MYRIP: variants seen among roughly 807,000 people sequenced by gnomAD.
MYRIP encodes myosin VIIA and Rab interacting protein.
MYRIP carries 49 observed loss-of-function variants against 98.0 expected under a neutral mutation model. That is an observed-to-expected ratio of 0.50 (90% CI 0.40 to 0.63). The LOEUF (loss-of-function observed/expected upper bound fraction) is 0.63, where lower values mean the gene tolerates loss of function less well. Among genes scored for constraint, MYRIP ranks in the 30% least tolerant of loss-of-function variants. The pLI, the probability that MYRIP is intolerant of heterozygous loss-of-function variation, is 0.00. For synonymous variants in MYRIP, 404 were observed against 409.5 expected (o/e 0.99, Z 0.16); for missense variants, 1,004 against 1,058.2 (o/e 0.95, Z 0.71).
At chr3:40,238,574 G>C (rs989288463) in intron 12 of MYRIP, 1 of 152,204 alleles carries the variant, frequency 6.6e-6, no homozygotes, top group African/African-American at 2.4e-5. Context: ...AAGAACATTT[G>C]GCTGAGAATG....
At chr3:40,020,184 C>A (rs1162377843) in intron 2 of MYRIP, among the ~76,000 whole-genome samples, 1 of 152,134 alleles carries the variant, frequency 6.6e-6, no homozygotes, top group Admixed American at 6.5e-5. Context: ...TTATTCCTGT[C>A]TTTATGCTCA....
chr3:39,876,920 A>C (rs1337708865), intron 1 of MYRIP, among the ~76,000 whole-genome samples: 2 of 152,166 alleles, frequency 1.3e-5, no homozygotes, highest in African/African-American at 4.8e-5. Context: ...TCTCCTGGAT[A>C]ATATCCTGCA....
intron 2 of MYRIP, among the ~76,000 whole-genome samples, chr3:39,974,145 G>A (rs1164620941): frequency 6.9e-6 from 1 of 145,340 alleles, no homozygotes; most frequent in Non-Finnish European, 1.6e-5. Context: ...AAAATTGATA[G>A]ACTGCTAGCA....
chr3:40,000,011 C>T (rs1946477419), intron 2 of MYRIP, among the ~76,000 whole-genome samples: 1 of 129,840 alleles, frequency 7.7e-6, no homozygotes. Flanking sequence ...GAACATCACA[C>T]ACCAGGGCCT....
chr3:40,258,194 C>T lies in MYRIP; in HGVS notation c.*28C>T, dbSNP rs937000994. ...CCATGGAATTCCACTGCCAGTGACC[C>T]ACTGCCTCCGGCCGTACACGACAGT... On this transcript the variant is annotated 3_prime_UTR_variant, in exon 17 of 17. Transcript: ENST00000302541. The T allele has an allele frequency of 1.9e-6, 3 of 1,614,024 alleles. No homozygotes were observed. Among genetic ancestry groups the T allele is most frequent in the Non-Finnish European group, 2.5e-6 (3 of 1,179,876 alleles).
chr3:39,852,542 C>CT (rs1397687477), intron 1 of MYRIP, among the ~76,000 whole-genome samples: 6 of 152,036 alleles, frequency 3.9e-5, no homozygotes, highest in Non-Finnish European at 8.8e-5. Flanking sequence ...CACCCCACTC[C>CT]CCCCTTCCCC....
At chr3:40,105,026 T>C (rs1244457999) in intron 3 of MYRIP, among the ~76,000 whole-genome samples, 1 of 152,176 alleles carries the variant, frequency 6.6e-6, no homozygotes, top group Non-Finnish European at 1.5e-5. Context: ...TTTTCCTCTA[T>C]GTAGGTGCAG....
intron 9 of MYRIP, among the ~76,000 whole-genome samples, chr3:40,183,344 T>C (rs1206699576): frequency 1.3e-5 from 2 of 152,192 alleles, no homozygotes; most frequent in African/African-American, 4.8e-5. Context: ...ACCTCTGCTC[T>C]TCCTGATTCC....
rs375241833 is a variant in MYRIP, at chr3:40,253,975, C to G, written c.2547+1976C>G. ...ATTCTGTTTTCAGTCCATATTCACT[C>G]TTCCTTAAATTTTTCATTAGCCATT... On this transcript the variant is annotated intron_variant, in intron 16 of 16. Transcript: ENST00000302541. Among the ~76,000 whole-genome samples the G allele has an allele frequency of 3.3e-5, 5 of 152,282 alleles. No individual in the cohort carries two copies. The East Asian group carries it at 9.6e-4, about 29-fold the overall frequency.
chr3:40,068,440 G>A (rs1034267011), intron 3 of MYRIP, among the ~76,000 whole-genome samples: 1 of 152,126 alleles, frequency 6.6e-6, no homozygotes, highest in Admixed American at 6.6e-5. Flanking sequence ...AGATGGTTGA[G>A]GATATAGTGT....
intron 3 of MYRIP, among the ~76,000 whole-genome samples, chr3:40,058,733 A>T (rs1038590875): frequency 6.6e-6 from 1 of 152,066 alleles, no homozygotes; most frequent in African/African-American, 2.4e-5. Context: ...CTTGGGTTGT[A>T]TTCACTAATG....
chr3:40,030,259 C>T (rs760505742), intron 2 of MYRIP, among the ~76,000 whole-genome samples: 7 of 152,078 alleles, frequency 4.6e-5, no homozygotes, highest in Non-Finnish European at 2.9e-5. Flanking sequence ...CCTCATCAGT[C>T]ATTAGGGAAG....
rs939400274 is a variant in MYRIP, at chr3:40,233,771, G to C, written c.1906-88G>C. ...GGAATTACAGAATCAACCTCATGAT[G>C]ATGAGTGTCATGATAACATAGAATT... is the stretch of plus-strand genomic sequence containing the variant. On this transcript the variant is annotated intron_variant, in intron 11 of 16. Coordinates refer to ENST00000302541, the MANE Select transcript of MYRIP (RefSeq NM_015460.4). The C allele has an allele frequency of 1.5e-5, 18 of 1,218,048 alleles. No homozygotes were observed. In the South Asian group the frequency reaches 1.8e-4, roughly 12 times the overall value. 75.5% of individuals were successfully genotyped at this position (1,218,048 alleles called of 1,614,324 possible).
intron 3 of MYRIP, among the ~76,000 whole-genome samples, chr3:40,105,756 A>G (rs1445372496): frequency 6.6e-6 from 1 of 152,156 alleles, no homozygotes; most frequent in Non-Finnish European, 1.5e-5. Context: ...CCTTCTTCAC[A>G]TGGCAGCAGA....
intron 2 of MYRIP, among the ~76,000 whole-genome samples, chr3:39,923,531 A>G (rs184571224): frequency 6.6e-6 from 1 of 152,298 alleles, no homozygotes; most frequent in East Asian, 1.9e-4. Flanking sequence ...CTAAAAGGGA[A>G]AAACTGTCAA....
At position 40,259,533 on chromosome 3, in the gene MYRIP, C is replaced by G. The variant is rs1216743737; in HGVS notation, c.*1367C>G. 2 of 152,216 alleles carry G rather than the reference C, an allele frequency of 1.3e-5. No homozygotes were observed. Among genetic ancestry groups the G allele is most frequent in the Non-Finnish European group, 2.9e-5 (2 of 68,040 alleles). 9.4% of individuals were successfully genotyped at this position (152,216 alleles called of 1,614,324 possible). A position where few individuals can be genotyped will look rare whatever the true frequency, so the allele number is the denominator to read the frequency against. ...ACTGAAGGCCAGAGAGATTAATTTG[C>G]CAAAGCCACACCTTTATGCTAATTA... On this transcript the variant is annotated 3_prime_UTR_variant, in exon 17 of 17. Transcript: ENST00000302541.
chr3:40,003,034 ATC>A (rs1946555342), intron 2 of MYRIP, among the ~76,000 whole-genome samples: 1 of 32,616 alleles, frequency 3.1e-5, no homozygotes, highest in Admixed American at 5.7e-4. Flanking sequence ...ATATCTATAT[ATC>A]TATAGATATA....
At chr3:40,031,727 G>C (rs1050350597) in intron 2 of MYRIP, among the ~76,000 whole-genome samples, 13 of 152,140 alleles carry the variant, frequency 8.5e-5, no homozygotes, top group Non-Finnish European at 1.6e-4. Flanking sequence ...GAGGGTGTAT[G>C]TGTCGAGGAA....
At chr3:39,851,239 C>T (rs1425795813) in intron 1 of MYRIP, among the ~76,000 whole-genome samples, 1 of 144,454 alleles carries the variant, frequency 6.9e-6, no homozygotes, top group Non-Finnish European at 1.5e-5. Flanking sequence ...ATTTCAGAGC[C>T]CAGACTCTGC....
Sources: gnomAD v4.1 joint callset for allele counts (sites outside exome capture counted in the v4.1 genomes callset) on GRCh38, gnomAD v4.1.1 for gene constraint, MANE v1.5 for transcripts, NCBI Gene and HGNC (gene_info 2026-07-23, HGNC 2026-07-21) for gene names.